The following CNN1 variants were observed in gnomAD, a reference collection of about 807,000 sequenced individuals.
CNN1 encodes calponin-1.
In CNN1, 21 loss-of-function variants were observed where a neutral mutation model predicts 35.3. The ratio of observed to expected loss-of-function variants is 0.60; its 90% CI spans 0.42 to 0.86. The LOEUF is 0.86. Ranked by LOEUF, CNN1 falls within the 40% of genes least tolerant of loss-of-function variation. CNN1 has a pLI of 0.00. For missense variants in CNN1, 314 were observed against 400.8 expected (o/e 0.78, Z 1.85); for synonymous variants, 164 against 161.8 (o/e 1.01, Z -0.10).
chr19:11,547,414 A>C (rs1456893650), intron 4 of CNN1, among the ~76,000 whole-genome samples: 1 of 150,736 alleles, frequency 6.6e-6, no homozygotes, highest in Non-Finnish European at 1.5e-5. Context: ...AAAACAAAAA[A>C]CAAAAAACAG....
At chr19:11,546,795 C>A in intron 3 of CNN1, 37 bp from the exon 4 acceptor site, 1 of 1,614,100 alleles carries the variant, frequency 6.2e-7, no homozygotes, top group Admixed American at 1.7e-5. Flanking sequence ...TCAGACCTCC[C>A]CTCCCCACCC....
rs752987804 is a variant in CNN1 at position 11,541,011 on chromosome 19, G to A, written c.64-65G>A. Reference sequence around the variant, plus strand: ...AGGAAGTTCAGACAGGACCCAGGGAGCCCAGGCTGCCCCCAATGCATCCTC... The same window carrying A: ...AGGAAGTTCAGACAGGACCCAGGGAACCCAGGCTGCCCCCAATGCATCCTC... On this transcript the variant is annotated intron_variant, in intron 1 of 6. Coordinates refer to ENST00000252456, the MANE Select transcript of CNN1 (RefSeq NM_001299.6). 2.7e-6 allele frequency: 4 copies of A among 1,496,350 alleles called. 1 individual carries two copies. The allele number at this position is 1,496,350 out of a possible 1,614,324, so 92.7% of individuals were successfully genotyped here.
At chr19:11,545,241 G>A (rs1972554424) in intron 2 of CNN1, among the ~76,000 whole-genome samples, 1 of 151,752 alleles carries the variant, frequency 6.6e-6, no homozygotes, top group Admixed American at 6.6e-5. Context: ...ATGAAGAAGG[G>A]TGGGTCTGTA....
chr19:11,546,585 T>C (rs1339968772), intron 2 of CNN1, 90 bp from the exon 3 acceptor site: 44 of 1,356,618 alleles, frequency 3.2e-5, no homozygotes, highest in Non-Finnish European at 3.8e-5. Context: ...CCACCCGCCT[T>C]GGCCTCCCAA....
In CNN1 at chr19:11,538,938, C is replaced by T; in HGVS notation, c.11C>T (p.Ala4Val). Residue 4 changes from alanine to valine, a missense_variant, in exon 1 of 7, where the codon GCT becomes GTT. By Grantham distance (64) the Ala-to-Val change is moderately conservative. Coordinates refer to ENST00000252456, the MANE Select transcript of CNN1 (RefSeq NM_001299.6). ...AGCCCACCGGCCAGCATGTCCTCTGCTCACTTCAACCGAGGCCCTGCCTAC... is the reference window on the plus strand; with the variant it reads ...AGCCCACCGGCCAGCATGTCCTCTGTTCACTTCAACCGAGGCCCTGCCTAC... MSS[A>V]HFNRGPAYGL... The T allele has an allele frequency of 1.3e-6, 2 of 1,593,788 alleles. No individual in the cohort carries two copies. The highest frequency in any genetic ancestry group is 1.1e-5 in the South Asian group (1 of 88,834).
At position 11,538,893 on chromosome 19, in the gene CNN1, G is replaced by T; in HGVS notation, c.-35G>T. The T allele has an allele frequency of 6.7e-7, 1 of 1,501,298 alleles. No individual in the cohort carries two copies. Among genetic ancestry groups the T allele is most frequent in the South Asian group, 1.3e-5 (1 of 76,612 alleles). The allele number at this position is 1,501,298 out of a possible 1,614,324, so 93.0% of individuals were successfully genotyped here. ...CGCTGCCTCTGTTCTCAGCGTCAGT[G>T]CCGCCACTGCCCCCGCCAGAGCCCA... On this transcript the variant is annotated 5_prime_UTR_variant, in exon 1 of 7. Coordinates refer to ENST00000252456, the MANE Select transcript of CNN1 (RefSeq NM_001299.6).
At chr19:11,539,029 C>T (rs1377538093) in intron 1 of CNN1, 39 bp downstream of exon 1, 1 of 1,509,734 alleles carries the variant, frequency 6.6e-7, no homozygotes, top group Non-Finnish European at 8.9e-7. Flanking sequence ...CCCACACGTC[C>T]TGCCAGGCCA....
Position 11,539,692 on chromosome 19 carries a change from T to C in CNN1, c.63+702T>C. On this transcript the variant is annotated intron_variant, in intron 1 of 6. Transcript: ENST00000252456. ...CCCAACAGTATTGCCGAGGGAGGAG[T>C]TCCTGCCCCATTTGACAGAGGGGAA... 5 of 698,052 alleles carry C rather than the reference T, an allele frequency of 7.2e-6. No individual in the cohort carries two copies. In the South Asian group the frequency reaches 7.2e-5, roughly 10 times the overall value. The allele number at this position is 698,052 out of a possible 1,614,324, so 43.2% of individuals were successfully genotyped here.
Position 11,549,014 on chromosome 19 carries a change from C to T in CNN1, c.502-309C>T, listed in dbSNP as rs943127244. ...CCAGCGTGGCCAACATGGTGAAACC[C>T]CATTTCTACTAAAAATACAAAAAAT... On this transcript the variant is annotated intron_variant, in intron 5 of 6. Transcript: ENST00000252456. This position sits in a 1 kb window ranked among gnomAD's most constrained non-coding sequence, Gnocchi z 5.2. Among the ~76,000 whole-genome samples, 19 of 151,468 alleles carry T rather than the reference C, an allele frequency of 1.3e-4. No homozygotes were observed. The highest frequency in any genetic ancestry group is 2.5e-4 in the Non-Finnish European group (17 of 67,900).
chr19:11,547,751 G>C (rs768763646), intron 4 of CNN1, 46 bp from the exon 5 acceptor site: 1 of 1,523,648 alleles, frequency 6.6e-7, no homozygotes, highest in South Asian at 1.1e-5. Flanking sequence ...GGACTGTGCA[G>C]CCTGGAGGCC....
intron 1 of CNN1, 157 bp downstream of exon 1, chr19:11,539,147 C>T: frequency 6.4e-6 from 7 of 1,087,214 alleles, no homozygotes; most frequent in Non-Finnish European, 8.6e-6. Context: ...CTGTCTCCCC[C>T]TGAACATCCC....
rs1331026754 is a variant in CNN1, at chr19:11,549,702, C to T, written c.801C>T (p.Val267=). ...CGGTGTATGGGCTGCCACGCCAGGT[C>T]TACGACCCCAAGTACTGTCTGACTC... ...GMTVYGLPRQ[V]YDPKYCLTPE... Residue 267 remains valine, a synonymous_variant, in exon 7 of 7, where the codon GTC becomes GTT. Coordinates refer to ENST00000252456, the MANE Select transcript of CNN1 (RefSeq NM_001299.6). The surrounding 1 kb of genome is among the most constrained non-coding windows in gnomAD (Gnocchi z 5.2). The T allele has an allele frequency of 6.2e-7, 1 of 1,614,256 alleles. No homozygotes were observed.
At chr19:11,539,187 T>G in intron 1 of CNN1, 197 bp downstream of exon 1, 1 of 1,208,702 alleles carries the variant, frequency 8.3e-7, no homozygotes, top group Non-Finnish European at 1.1e-6. Flanking sequence ...GGGGCTGGAA[T>G]GGGGGGGCAC....
At chr19:11,547,953 G>A in intron 5 of CNN1, 46 bp downstream of exon 5, 1 of 1,491,740 alleles carries the variant, frequency 6.7e-7, no homozygotes, top group Non-Finnish European at 9.2e-7. Context: ...GGCCAGGAGG[G>A]CACCCTGATG....
intron 1 of CNN1, chr19:11,540,319 C>T (rs1325157922): frequency 6.4e-6 from 1 of 155,082 alleles, no homozygotes; most frequent in Non-Finnish European, 1.4e-5. Flanking sequence ...GCCCCACCAC[C>T]CCCACCCCAG....
Position 11,549,790 on chromosome 19 carries a change from G to T in CNN1, c.889G>T (p.Ala297Ser), listed in dbSNP as rs763389217. ...CCACGCACACAACTACTACAATTCC[G>T]CCTAGGGCCACAAGGCCTTCCCTGT... Reference protein sequence around the residue: ...NHHAHNYYNSA With the variant: ...NHHAHNYYNSS Residue 297 changes from alanine (A) to serine (S), a missense_variant, in exon 7 of 7, where the codon GCC becomes TCC. Transcript: ENST00000252456. This position sits in a 1 kb window ranked among gnomAD's most constrained non-coding sequence, Gnocchi z 5.2. 6.2e-7 allele frequency: 1 copy of T among 1,601,974 alleles called. No individual in the cohort carries two copies. The highest frequency in any genetic ancestry group is 1.1e-5 in the South Asian group (1 of 90,080).
Position 11,547,925 on chromosome 19 carries a change from C to T in CNN1, c.501+18C>T. Reference sequence around the variant, plus strand: ...GGCTGCAGGTACCGCCCTGTCCTCACTGCGCAGAGGTCATAGAGGCCAGGA... The same window carrying T: ...GGCTGCAGGTACCGCCCTGTCCTCATTGCGCAGAGGTCATAGAGGCCAGGA... On this transcript the variant is annotated intron_variant, in intron 5 of 6. Coordinates refer to ENST00000252456, the MANE Select transcript of CNN1 (RefSeq NM_001299.6). 1.9e-6 allele frequency: 3 copies of T among 1,605,060 alleles called. No individual in the cohort carries two copies. The highest frequency in any genetic ancestry group is 2.6e-6 in the Non-Finnish European group (3 of 1,173,848).
At chr19:11,547,983 A>G in intron 5 of CNN1, 76 bp downstream of exon 5, 1 of 1,189,210 alleles carries the variant, frequency 8.4e-7, no homozygotes. Flanking sequence ...TTTTGGGGAC[A>G]GGATATTTGG....
chr19:11,541,019 T>G, intron 1 of CNN1, 57 bp from the exon 2 acceptor site: 1 of 1,518,522 alleles, frequency 6.6e-7, no homozygotes. Context: ...GAGCCCAGGC[T>G]GCCCCCAATG....
Sources: allele counts gnomAD v4.1 joint callset (sites outside exome capture counted in the v4.1 genomes callset), GRCh38; gene constraint gnomAD v4.1.1; non-coding constraint Gnocchi (gnomAD v3.1); transcripts MANE v1.5; gene names NCBI Gene and HGNC (gene_info 2026-07-23, HGNC 2026-07-21).